The following CENPE variants were observed in gnomAD, a reference collection of about 807,000 sequenced individuals.
CENPE encodes the protein centromere-associated protein E.
In CENPE, 145 loss-of-function variants were observed where a neutral mutation model predicts 336.1. That is an observed-to-expected ratio of 0.43 (90% confidence interval 0.38 to 0.50). The LOEUF is 0.50. Ranked by LOEUF, CENPE falls within the 20% of genes least tolerant of loss-of-function variation. The pLI is 0.00. For synonymous variants in CENPE, 1,013 were observed against 984.8 expected, an observed-to-expected ratio of 1.03 and a Z score of -0.54; for missense variants, 2,719 against 3,023.3, an observed-to-expected ratio of 0.90 and a Z score of 2.36.
At chr4:103,164,541 T>G (rs1754745737) in intron 16 of CENPE, among the ~76,000 whole-genome samples, 1 of 152,134 alleles carries the variant, frequency 6.6e-6, no homozygotes, top group African/African-American at 2.4e-5. Flanking sequence ...AATTTAAAAT[T>G]TCCTAGTAGG....
At chr4:103,150,510 G>T (rs562470252) in intron 26 of CENPE, among the ~76,000 whole-genome samples, 4 of 152,008 alleles carry the variant, frequency 2.6e-5, no homozygotes, top group Non-Finnish European at 5.9e-5. Context: ...CTGAACCCAG[G>T]GGGGGTTGAG....
At chr4:103,132,962 A>T (rs546373581) in intron 41 of CENPE, 66 bp from the exon 42 acceptor site, 81 of 155,548 alleles carry the variant, frequency 5.2e-4, no homozygotes, top group South Asian at 8.7e-4. Context: ...TATTTTATTT[A>T]TATATATATA....
intron 48 of CENPE, among the ~76,000 whole-genome samples, chr4:103,106,705 G>C (rs1034325375): frequency 7.9e-5 from 12 of 152,082 alleles, no homozygotes; most frequent in Non-Finnish European, 1.2e-4. Context: ...AGCTTTCTGT[G>C]AGCCTTTAAA....
At chr4:103,144,980 T>C (rs957022831) in intron 32 of CENPE, 70 bp downstream of exon 32, 40 of 1,342,424 alleles carry the variant, frequency 3.0e-5, no homozygotes, top group Non-Finnish European at 3.7e-5. Flanking sequence ...AAACTTAACA[T>C]GAACACCGTC....
At chr4:103,128,900 A>G (rs542602499) in intron 42 of CENPE, among the ~76,000 whole-genome samples, 18 of 152,310 alleles carry the variant, frequency 1.2e-4, no homozygotes, top group African/African-American at 4.3e-4. Context: ...AACAAAATCA[A>G]TAGAGAAAAT....
At chr4:103,129,273 T>C (rs771319918) in intron 42 of CENPE, among the ~76,000 whole-genome samples, 1 of 152,174 alleles carries the variant, frequency 6.6e-6, no homozygotes, top group Non-Finnish European at 1.5e-5. Context: ...AATGGTGAAC[T>C]CTACCAAATA....
At chr4:103,144,029 T>C (rs983241948) in intron 33 of CENPE, among the ~76,000 whole-genome samples, 4 of 152,048 alleles carry the variant, frequency 2.6e-5, no homozygotes, top group South Asian at 2.1e-4. Flanking sequence ...CTCCGCCTCC[T>C]GGGTTCACGC....
At chr4:103,151,436 G>C (rs1753562005) in intron 25 of CENPE, 59 bp from the exon 26 acceptor site, 6 of 1,252,868 alleles carry the variant, frequency 4.8e-6, no homozygotes, top group African/African-American at 1.6e-5. Flanking sequence ...TATGAAATCA[G>C]GTAAAACATC....
chr4:103,140,524 C>T, intron 36 of CENPE, 110 bp from the exon 37 acceptor site: 1 of 843,862 alleles, frequency 1.2e-6, no homozygotes, highest in East Asian at 2.7e-5. Context: ...CAGTTAAAAA[C>T]AACCATTATA....
chr4:103,158,210 ATGAAAT>A (rs1754121722), intron 24 of CENPE, 84 bp downstream of exon 24: 6 of 962,422 alleles, frequency 6.2e-6, no homozygotes, highest in Non-Finnish European at 8.8e-6. Context: ...TGAGTAACAA[ATGAAAT>A]TGAGAATATT....
intron 18 of CENPE, among the ~76,000 whole-genome samples, chr4:103,161,677 A>G (rs1470140820): frequency 6.6e-6 from 1 of 152,184 alleles, no homozygotes; most frequent in African/African-American, 2.4e-5. Flanking sequence ...ATCAAATTAT[A>G]TAAGCAATGT....
chr4:103,173,550 C>T (rs927387045), intron 16 of CENPE, among the ~76,000 whole-genome samples: 1 of 108,904 alleles, frequency 9.2e-6, no homozygotes, highest in African/African-American at 2.8e-5. Context: ...AATAAAGAGA[C>T]AATATTTGCA....
chr4:103,114,598 T>C lies in CENPE; in HGVS notation c.7443-46A>G, dbSNP rs560904297. 2.8e-5 allele frequency: 34 copies of C among 1,208,350 alleles called. No homozygotes were observed. The East Asian group carries it at 7.0e-4, about 25-fold the overall frequency. The allele number at this position is 1,208,350 out of a possible 1,614,324, so 74.9% of individuals were successfully genotyped here. A position where few individuals can be genotyped will look rare whatever the true frequency, so the allele number is the denominator to read the frequency against. ...ATGTAAAAAGCTCAGCAACTGATTT[T>C]TTACAGGAGAATAAACAGAACTGCT... On this transcript the variant is annotated intron_variant, in intron 45 of 48. Transcript: ENST00000265148.
Position 103,194,636 on chromosome 4 carries a change from C to T in CENPE, c.526G>A (p.Glu176Lys), listed in dbSNP as rs781536472. Residue 176 changes from glutamate (E) to lysine (K), a missense_variant, in exon 6 of 49, where the codon GAA (glutamate) becomes AAA (lysine). Coordinates refer to ENST00000265148, the MANE Select transcript of CENPE (RefSeq NM_001813.3). ...TTTGTAATCCATTTCAAAGCCATTT[C>T]TGATGTATATACAACTTCTTCTGTG... Reference protein sequence around the residue: ...DLTEEVVYTSEMALKWITKGE... With the variant: ...DLTEEVVYTSKMALKWITKGE... 1.2e-6 allele frequency: 2 copies of T among 1,609,618 alleles called. No individual in the cohort carries two copies. The highest frequency in any genetic ancestry group is 1.7e-6 in the Non-Finnish European group (2 of 1,178,340).
chr4:103,193,864 C>A (rs1236385603), intron 8 of CENPE, among the ~76,000 whole-genome samples: 1 of 152,002 alleles, frequency 6.6e-6, no homozygotes, highest in African/African-American at 2.4e-5. Context: ...GTCTAAATTA[C>A]ATTGGCTGAG....
In CENPE at chr4:103,158,882, G is replaced by C. The variant is rs1367447593; in HGVS notation, c.2606C>G (p.Ser869Cys). 6.3e-7 allele frequency: 1 copy of C among 1,593,242 alleles called. No homozygotes were observed. Among genetic ancestry groups the C allele is most frequent in the Admixed American group, 1.9e-5 (1 of 53,946 alleles). ...CTCCTGAAGTTCTTGGGTCTTGTAA[G>C]AAAGCTTTAAAAAAGAAAAAGTAAA... ...SSLGALKTEL[S>C]YKTQELQEKT... Residue 869 changes from serine to cysteine, a missense_variant, in exon 23 of 49, where the codon TCT (serine) becomes TGT (cysteine). Around this residue, in one of 5 missense-constraint regions of CENPE, gnomAD observed 2,437 missense variants for 2,513.3 expected, o/e 0.97. Transcript: ENST00000265148.
intron 1 of CENPE, among the ~76,000 whole-genome samples, chr4:103,197,895 AG>A (rs540998650): frequency 4.2e-4 from 64 of 152,358 alleles, no homozygotes; most frequent in Admixed American, 7.8e-4. Context: ...GAGGGTCTGG[AG>A]ACAGCAGTTA....
chr4:103,183,352 A>C, intron 9 of CENPE, 64 bp from the exon 10 acceptor site: 1 of 1,314,648 alleles, frequency 7.6e-7, no homozygotes, highest in Non-Finnish European at 1.1e-6. Context: ...AAACTTATTT[A>C]TCACTAAGTT....
At chr4:103,194,802 C>T (rs1757618689) in intron 5 of CENPE, 118 bp from the exon 6 acceptor site, 3 of 698,028 alleles carry the variant, frequency 4.3e-6, no homozygotes, top group East Asian at 5.8e-5. Context: ...GCAAATGGAA[C>T]CATAATTCTG....
Sources: gnomAD v4.1 joint callset for allele counts (sites outside exome capture counted in the v4.1 genomes callset) on GRCh38, gnomAD v4.1.1 for gene constraint, gnomAD v4.1.1 regional missense constraint, MANE v1.5 for transcripts, NCBI Gene and HGNC (gene_info 2026-07-23, HGNC 2026-07-21) for gene names.